Variants in CAPN9 observed in about 807,000 individuals in gnomAD.
The protein encoded by CAPN9 is calpain 9.
A neutral mutation model predicts 92.8 loss-of-function variants in CAPN9; 81 were observed. The ratio of observed to expected loss-of-function variants is 0.87; its 90% CI spans 0.73 to 1.05. CAPN9 has a LOEUF of 1.05. CAPN9 is among the 50% of genes least tolerant of loss of function. The pLI, the probability that CAPN9 is intolerant of heterozygous loss-of-function variation, is 0.00. For synonymous variants in CAPN9, 304 were observed against 328.0 expected, an observed-to-expected ratio of 0.93 and a Z score of 0.79; for missense variants, 848 against 866.2, an observed-to-expected ratio of 0.98 and a Z score of 0.26.
chr1:230,771,971 C>A, intron 6 of CAPN9, 43 bp from the exon 7 acceptor site: 2 of 1,528,352 alleles, frequency 1.3e-6, no homozygotes, highest in Non-Finnish European at 1.8e-6. Context: ...AAACCTCCAC[C>A]ATATTTATCA....
intron 1 of CAPN9, among the ~76,000 whole-genome samples, chr1:230,748,526 C>A (rs1408100554): frequency 6.6e-6 from 1 of 152,152 alleles, no homozygotes. Context: ...CCTGTCTTAT[C>A]CTGACAATTT....
rs554088932 is a variant in CAPN9 at position 230,762,791 on chromosome 1, G to T, written c.536+5G>T. On this transcript the variant is annotated splice_donor_5th_base_variant and intron_variant, in intron 4 of 19. Transcript: ENST00000271971. ...GCTGGAAAAAGCCTACGCCAAGTGA[G>T]TGACAGCTTCCCCAGCTCAGGCAGC... 1.2e-6 allele frequency: 2 copies of T among 1,613,672 alleles called. No homozygotes were observed. Among genetic ancestry groups the T allele is most frequent in the South Asian group, 1.1e-5 (1 of 91,022 alleles).
chr1:230,759,777 T>C, intron 3 of CAPN9, 147 bp downstream of exon 3: 1 of 494,518 alleles, frequency 2.0e-6, no homozygotes, highest in East Asian at 3.4e-5. Flanking sequence ...AGCCACATTT[T>C]ATCATGGAAT....
In CAPN9 at chr1:230,769,207, C is replaced by T. The variant is rs773118500; in HGVS notation, c.733C>T (p.Arg245Trp). The change falls in exon 6 of 20, where the codon CGG becomes TGG. Residue 245 changes from arginine to tryptophan, a missense_variant. Physicochemically the swap from Arg to Trp is moderately radical, Grantham distance 101. Transcript: ENST00000271971. ...DTRSAAESEA[R>W]TPFGLIKGHA... Reference sequence around the variant, plus strand: ...CAGAAGTGCTGCAGAATCTGAGGCCCGGACGCCGTTTGGTCTTATTAAGGG... The same window carrying T: ...CAGAAGTGCTGCAGAATCTGAGGCCTGGACGCCGTTTGGTCTTATTAAGGG... The T allele has an allele frequency of 1.4e-5, 23 of 1,614,100 alleles. No individual in the cohort carries two copies. The highest frequency in any genetic ancestry group is 3.3e-4 in the Middle Eastern group (2 of 6,060).
chr1:230,798,625 C>T (rs949948408), intron 19 of CAPN9, among the ~76,000 whole-genome samples: 2 of 152,176 alleles, frequency 1.3e-5, no homozygotes, highest in African/African-American at 2.4e-5. Flanking sequence ...GACACTCCCC[C>T]AGACTCCAAT....
At chr1:230,765,345 C>T (rs937524000) in intron 4 of CAPN9, among the ~76,000 whole-genome samples, 14 of 151,734 alleles carry the variant, frequency 9.2e-5, no homozygotes, top group Admixed American at 3.9e-4. Flanking sequence ...ACGAAATAGA[C>T]AAAGCAGTAC....
intron 1 of CAPN9, among the ~76,000 whole-genome samples, chr1:230,753,891 C>T (rs1665031812): frequency 1.4e-5 from 2 of 145,260 alleles, no homozygotes; most frequent in Non-Finnish European, 3.0e-5. Flanking sequence ...TGCTCCTCTG[C>T]TTCCCCCAGA....
intron 8 of CAPN9, among the ~76,000 whole-genome samples, chr1:230,778,323 A>T (rs893912837): frequency 6.6e-6 from 1 of 152,162 alleles, no homozygotes; most frequent in African/African-American, 2.4e-5. Context: ...TCTCACTTGG[A>T]CACCGGCACT....
rs745757168 is a variant in CAPN9 at position 230,792,527 on chromosome 1, G to A, written c.1791+33G>A. On this transcript the variant is annotated intron_variant, in intron 16 of 19. Coordinates refer to ENST00000271971, the MANE Select transcript of CAPN9 (RefSeq NM_006615.3). ...ACCTGGAGCAGGGCTTGGCCTCTGG[G>A]GGACCCAGTGAACCTAGAGCAGAGG... The A allele has an allele frequency of 1.9e-6, 3 of 1,553,426 alleles. No homozygotes were observed. In the South Asian group the frequency reaches 3.3e-5, roughly 17 times the overall value.
intron 1 of CAPN9, among the ~76,000 whole-genome samples, chr1:230,749,852 C>T (rs989390926): frequency 2.6e-5 from 4 of 152,170 alleles, no homozygotes; most frequent in African/African-American, 4.8e-5. Flanking sequence ...CTAACACCAT[C>T]GTCTCCTGAC....
At chr1:230,751,654 A>T (rs1035842233) in intron 1 of CAPN9, among the ~76,000 whole-genome samples, 3 of 74,678 alleles carry the variant, frequency 4.0e-5, no homozygotes, top group African/African-American at 2.1e-4. Context: ...AAAGAAAGAA[A>T]GAAAGAAAGA....
At chr1:230,786,631 A>G (rs1293284279) in intron 12 of CAPN9, among the ~76,000 whole-genome samples, 1 of 151,980 alleles carries the variant, frequency 6.6e-6, no homozygotes, top group Non-Finnish European at 1.5e-5. Context: ...AAGCATGAGA[A>G]CCTTCTGGCC....
At chr1:230,761,567 C>A (rs1223354094) in intron 3 of CAPN9, among the ~76,000 whole-genome samples, 1 of 152,000 alleles carries the variant, frequency 6.6e-6, no homozygotes, top group Non-Finnish European at 1.5e-5. Context: ...CACACACACA[C>A]ACACAGACAC....
At chr1:230,767,088 G>A (rs1205950046) in intron 4 of CAPN9, among the ~76,000 whole-genome samples, 2 of 152,084 alleles carry the variant, frequency 1.3e-5, no homozygotes, top group Non-Finnish European at 2.9e-5. Context: ...AGAGAAGAAG[G>A]GAAAGGGCCT....
intron 3 of CAPN9, among the ~76,000 whole-genome samples, chr1:230,761,718 T>C (rs1665655563): frequency 6.6e-6 from 1 of 152,080 alleles, no homozygotes; most frequent in South Asian, 2.1e-4. Flanking sequence ...CCTTTTCTTT[T>C]TACTCTTAGA....
rs1665999919 is a variant in CAPN9, at chr1:230,766,614, G to C, written c.537-927G>C. On this transcript the variant is annotated intron_variant, in intron 4 of 19. Transcript: ENST00000271971. ...CTCAGTGCAGTGTGGGGTCCTGGGT[G>C]GGATTCTGGAACAGAAAAAGGACAT... is the stretch of plus-strand genomic sequence containing the variant. Among the ~76,000 whole-genome samples, 6 of 152,182 alleles carry C rather than the reference G, an allele frequency of 3.9e-5. No individual in the cohort carries two copies. In the South Asian group the frequency reaches 1.2e-3, roughly 32 times the overall value.
intron 17 of CAPN9, 31 bp downstream of exon 17, chr1:230,792,959 A>G: frequency 6.5e-7 from 1 of 1,545,510 alleles, no homozygotes; most frequent in Non-Finnish European, 8.9e-7. Flanking sequence ...CAGGTGGCTG[A>G]CTGCATGCCA....
chr1:230,785,551 C>A (rs1667525777), intron 11 of CAPN9, among the ~76,000 whole-genome samples: 1 of 152,090 alleles, frequency 6.6e-6, no homozygotes, highest in Non-Finnish European at 1.5e-5. Context: ...CCCCATACCA[C>A]CCTGCTCCTG....
At chr1:230,762,399 C>T (rs1410226555) in intron 3 of CAPN9, among the ~76,000 whole-genome samples, 3 of 152,234 alleles carry the variant, frequency 2.0e-5, no homozygotes, top group South Asian at 2.1e-4. Context: ...CCCCCTGCAT[C>T]GCCTGCGGCT....
Sources: gnomAD v4.1 joint callset for allele counts (sites outside exome capture counted in the v4.1 genomes callset) on GRCh38, gnomAD v4.1.1 for gene constraint, MANE v1.5 for transcripts, NCBI Gene and HGNC (gene_info 2026-07-23, HGNC 2026-07-21) for gene names.